LIG1: variants seen among roughly 807,000 people sequenced by gnomAD.
LIG1 encodes DNA ligase 1.
A neutral mutation model predicts 115.7 loss-of-function variants in LIG1; 70 were observed. The observed-to-expected ratio is 0.60, with a 90% CI of 0.50 to 0.74. The LOEUF is 0.74. Ranked by LOEUF, LIG1 falls within the 30% of genes least tolerant of loss-of-function variation. The probability of loss-of-function intolerance (pLI) is 0.00; values close to 1 mark genes in which losing one functional copy is unlikely to be tolerated. For synonymous variants in LIG1, 487 were observed against 495.3 expected, an observed-to-expected ratio of 0.98 and a Z score of 0.22; for missense variants, 1,115 against 1,225.6, an observed-to-expected ratio of 0.91 and a Z score of 1.35.
intron 3 of LIG1, 41 bp downstream of exon 3, chr19:48,162,221 C>T (rs776774204): frequency 1.3e-6 from 2 of 1,563,958 alleles, no homozygotes; most frequent in Non-Finnish European, 1.8e-6. Context: ...ATCCTGACTG[C>T]TAAAGGAAAA....
intron 3 of LIG1, 149 bp downstream of exon 3, chr19:48,162,113 C>G: frequency 1.4e-6 from 1 of 728,762 alleles, no homozygotes; most frequent in Non-Finnish European, 2.5e-6. Context: ...GCTGTGCCTG[C>G]AGCTGCTCTT....
At chr19:48,158,617 C>CA (rs2035992836) in intron 4 of LIG1, among the ~76,000 whole-genome samples, 1 of 152,266 alleles carries the variant, frequency 6.6e-6, no homozygotes, top group Non-Finnish European at 1.5e-5. Context: ...CTGGCGCCAC[C>CA]TGGGCATCAG....
chr19:48,166,270 G>A (rs1194109069), intron 1 of LIG1, among the ~76,000 whole-genome samples: 2 of 152,118 alleles, frequency 1.3e-5, no homozygotes, highest in African/African-American at 4.8e-5. Context: ...GGTGGCACGC[G>A]CCTGTATTCC....
intron 9 of LIG1, among the ~76,000 whole-genome samples, chr19:48,145,561 G>T (rs562459584): frequency 1.3e-5 from 2 of 151,176 alleles, no homozygotes. Context: ...CTCACACAGG[G>T]CATGGATGGC....
At chr19:48,133,341 T>C in intron 17 of LIG1, 1 of 538,154 alleles carries the variant, frequency 1.9e-6, no homozygotes, top group South Asian at 2.1e-5. Flanking sequence ...CTGGCTCACA[T>C]CCTTGCAAGG....
intron 26 of LIG1, among the ~76,000 whole-genome samples, chr19:48,116,580 A>G (rs1274171405): frequency 6.6e-6 from 1 of 152,134 alleles, no homozygotes; most frequent in Non-Finnish European, 1.5e-5. Flanking sequence ...CCCAGCTCCC[A>G]ACTCTCAGGA....
chr19:48,169,621 C>T (rs1381793641), intron 1 of LIG1: 1 of 158,018 alleles, frequency 6.3e-6, no homozygotes, highest in African/African-American at 2.4e-5. Context: ...CTCCCTGACA[C>T]CACCCATCTC....
At chr19:48,154,652 A>G (rs1365282924) in intron 5 of LIG1, 3 of 158,060 alleles carry the variant, frequency 1.9e-5, no homozygotes, top group Admixed American at 1.8e-4. Flanking sequence ...AAAAGCCTCT[A>G]AACTCAGATA....
intron 26 of LIG1, 63 bp downstream of exon 26, chr19:48,117,575 C>G (rs2032937978): frequency 6.3e-7 from 1 of 1,576,274 alleles, no homozygotes; most frequent in South Asian, 1.1e-5. Flanking sequence ...CCTCCCTACT[C>G]TGCTCTCTGT....
intron 2 of LIG1, among the ~76,000 whole-genome samples, chr19:48,164,923 C>T (rs1039004782): frequency 8.5e-5 from 13 of 152,148 alleles, no homozygotes; most frequent in Non-Finnish European, 1.5e-4. Context: ...CCACTAGATG[C>T]CAATGGCAAA....
intron 9 of LIG1, among the ~76,000 whole-genome samples, chr19:48,148,204 T>G (rs1262346009): frequency 6.6e-6 from 1 of 152,070 alleles, no homozygotes; most frequent in East Asian, 1.9e-4. Flanking sequence ...CTGGGTGTGG[T>G]GGCTCACGCC....
chr19:48,133,019 A>G lies in LIG1; in HGVS notation c.1688T>C (p.Phe563Ser). The G allele has an allele frequency of 1.2e-6, 2 of 1,614,072 alleles. No individual in the cohort carries two copies. Among genetic ancestry groups the G allele is most frequent in the Non-Finnish European group, 1.7e-6 (2 of 1,179,992 alleles). The change falls in exon 18 of 28, where the codon TTC becomes TCC. Residue 563 changes from phenylalanine (F) to serine (S), a missense_variant. Phe to Ser is a radical substitution (Grantham distance 155, BLOSUM62 -2). Transcript: ENST00000263274. Reference sequence around the variant, plus strand: ...CCCGTCATATTTGTATTCGCAGGTGAAAGCTGCCTCCTCAAAGCGTTTCAG... The same window carrying G: ...CCCGTCATATTTGTATTCGCAGGTGGAAGCTGCCTCCTCAAAGCGTTTCAG... The part of the protein sequence containing the change: ...EVLKRFEEAA[F>S]TCEYKYDGQR...
chr19:48,165,115 C>A lies in LIG1; in HGVS notation c.17+435G>T, dbSNP rs1482367135. 3.9e-5 allele frequency among the ~76,000 whole-genome samples: 6 copies of A among 152,280 alleles called. No individual in the cohort carries two copies. The East Asian group carries it at 1.2e-3, about 29-fold the overall frequency. Reference sequence around the variant, plus strand: ...CTCTACTAAAAATACAAAAATTAGCCAGGCGTGGTGGCACGTGCCTATAAT... The same window carrying A: ...CTCTACTAAAAATACAAAAATTAGCAAGGCGTGGTGGCACGTGCCTATAAT... On this transcript the variant is annotated intron_variant, in intron 2 of 27. Coordinates refer to ENST00000263274, the MANE Select transcript of LIG1 (RefSeq NM_000234.3).
At position 48,131,802 on chromosome 19, in the gene LIG1, T is replaced by A. The variant is rs1013081992; in HGVS notation, c.1726-631A>T. On this transcript the variant is annotated intron_variant, in intron 18 of 27. Coordinates refer to ENST00000263274, the MANE Select transcript of LIG1 (RefSeq NM_000234.3). ...CTTGAGCAGGGCGGCATATATAGCA[T>A]CTTATATGTTTGTTATTATTTCCAG... Among the ~76,000 whole-genome samples, 7 of 152,288 alleles carry A rather than the reference T, an allele frequency of 4.6e-5. No individual in the cohort carries two copies. The East Asian group carries it at 1.4e-3, about 29-fold the overall frequency.
chr19:48,135,697 G>C lies in LIG1; in HGVS notation c.1506C>G (p.Ile502Met). ...RKTWLEEQGM[I>M]LKQTFCEVPD... The stretch of plus-strand genomic sequence containing the variant: ...GCTCTCACCAGAACGTCTGCTTCAG[G>C]ATCATGCCTTGCTCCTCCAGCCACG... Residue 502 changes from isoleucine to methionine, a missense_variant, in exon 16 of 28, where the codon ATC becomes ATG. Transcript: ENST00000263274. 2 of 1,613,938 alleles carry C rather than the reference G, an allele frequency of 1.2e-6. No homozygotes were observed. The highest frequency in any genetic ancestry group is 1.7e-6 in the Non-Finnish European group (2 of 1,179,852).
chr19:48,166,297 T>C (rs555304477), intron 1 of LIG1, among the ~76,000 whole-genome samples: 29 of 152,326 alleles, frequency 1.9e-4, no homozygotes, highest in African/African-American at 6.7e-4. Flanking sequence ...CTCTGGAGGC[T>C]GAGGCAGGAG....
intron 25 of LIG1, among the ~76,000 whole-genome samples, chr19:48,118,779 T>G (rs1034901482): frequency 5.9e-5 from 9 of 152,170 alleles, no homozygotes; most frequent in Non-Finnish European, 1.3e-4. Flanking sequence ...GGACAGACAC[T>G]CATGCCTGAA....
At chr19:48,140,782 CCT>C (rs1387331818) in intron 11 of LIG1, among the ~76,000 whole-genome samples, 2 of 152,000 alleles carry the variant, frequency 1.3e-5, no homozygotes, top group African/African-American at 2.4e-5. Context: ...CCTTCGACCC[CCT>C]GTGAGTCCAT....
chr19:48,122,563 C>T lies in LIG1; in HGVS notation c.2232+371G>A, dbSNP rs2033364220. Among the ~76,000 whole-genome samples, 1 of 152,222 alleles carries T rather than the reference C, an allele frequency of 6.6e-6. No individual in the cohort carries two copies. Among genetic ancestry groups the T allele is most frequent in the Non-Finnish European group, 1.5e-5 (1 of 68,044 alleles). ...CACTCCCAGCCCCGCCTTGCTGGCC[C>T]GGAGCTGACTTGCTTTTCTTCATGG... On this transcript the variant is annotated intron_variant, in intron 23 of 27. Transcript: ENST00000263274. This position sits in a 1 kb window ranked among gnomAD's most constrained non-coding sequence, Gnocchi z 4.3.
Sources: allele counts gnomAD v4.1 joint callset (sites outside exome capture counted in the v4.1 genomes callset), GRCh38; gene constraint gnomAD v4.1.1; non-coding constraint Gnocchi (gnomAD v3.1); transcripts MANE v1.5; gene names NCBI Gene and HGNC (gene_info 2026-07-23, HGNC 2026-07-21).